ACSM1: variants seen among roughly 807,000 people sequenced by gnomAD.
ACSM1 encodes acyl-CoA synthetase medium chain family member 1, also known as acyl-coenzyme A synthetase ACSM1, mitochondrial.
A neutral mutation model predicts 75.8 loss-of-function variants in ACSM1; 79 were observed. That is an observed-to-expected ratio of 1.04 (90% confidence interval 0.87 to 1.26). The LOEUF (loss-of-function observed/expected upper bound fraction) is 1.26. Ranked by LOEUF, ACSM1 falls within the 50% of genes most tolerant of loss-of-function variation. The probability of loss-of-function intolerance (pLI) is 0.00; values close to 1 mark genes in which losing one functional copy is unlikely to be tolerated. For synonymous variants in ACSM1, 279 were observed against 265.8 expected (o/e 1.05, Z -0.48); for missense variants, 676 against 720.1 (o/e 0.94, Z 0.70).
At chr16:20,655,987 T>A (rs182587089) in intron 7 of ACSM1, among the ~76,000 whole-genome samples, 14 of 152,292 alleles carry the variant, frequency 9.2e-5, no homozygotes, top group African/African-American at 3.1e-4. Context: ...AAGAAGTTTT[T>A]AAATTTTTAA....
chr16:20,691,411 A>G (rs1406212727), intron 1 of ACSM1, among the ~76,000 whole-genome samples, 172 bp from the exon 2 acceptor site: 2 of 152,162 alleles, frequency 1.3e-5, no homozygotes, highest in East Asian at 1.9e-4. Flanking sequence ...GAGGAACCAC[A>G]TGGCAGAAAA....
At chr16:20,663,203 T>C (rs1044929295) in intron 6 of ACSM1, among the ~76,000 whole-genome samples, 9 of 152,164 alleles carry the variant, frequency 5.9e-5, no homozygotes, top group South Asian at 4.1e-4. Context: ...CTCATAAATA[T>C]GTTCTCCATT....
intron 4 of ACSM1, among the ~76,000 whole-genome samples, chr16:20,677,021 A>C (rs1567302089): frequency 6.6e-6 from 1 of 152,090 alleles, no homozygotes; most frequent in African/African-American, 2.4e-5. Flanking sequence ...AGCCAAGAGG[A>C]AAGATGGCTT....
rs778636434 is a variant in ACSM1, at chr16:20,640,489, A to G, written c.1088T>C (p.Leu363Pro). ...EEWKRRTGLL[L>P]YENYGQSETG... ...TTCCGACTGCCCATAGTTCTCGTAGAGCAGAAGGCCCGTCCGTCTTTTCCA... is the reference window on the plus strand; with the variant it reads ...TTCCGACTGCCCATAGTTCTCGTAGGGCAGAAGGCCCGTCCGTCTTTTCCA... The change falls in exon 8 of 14, where the codon CTC becomes CCC. Residue 363 changes from leucine to proline, a missense_variant. Physicochemically the swap from Leu to Pro is moderately conservative, Grantham distance 98. Coordinates refer to ENST00000520010, the MANE Select transcript of ACSM1 (RefSeq NM_001318890.3). 2.1e-5 allele frequency: 34 copies of G among 1,614,010 alleles called. No individual in the cohort carries two copies. The highest frequency in any genetic ancestry group is 2.8e-5 in the Non-Finnish European group (33 of 1,180,016).
At chr16:20,625,235 A>G (rs1006627022) in intron 12 of ACSM1, among the ~76,000 whole-genome samples, 188 bp downstream of exon 12, 2 of 152,200 alleles carry the variant, frequency 1.3e-5, no homozygotes, top group African/African-American at 2.4e-5. Context: ...TGCTCATTAC[A>G]TAGTATCTAG....
intron 5 of ACSM1, among the ~76,000 whole-genome samples, 181 bp from the exon 6 acceptor site, chr16:20,670,167 C>T (rs1401203217): frequency 2.6e-5 from 4 of 152,184 alleles, no homozygotes; most frequent in African/African-American, 9.7e-5. Context: ...TTCCCAATTA[C>T]GTACAACTGA....
chr16:20,672,448 C>CAAAAAAAAAAAAAA (rs528742963), intron 4 of ACSM1, among the ~76,000 whole-genome samples: 2 of 21,924 alleles, frequency 9.1e-5, no homozygotes, highest in African/African-American at 5.3e-4. Flanking sequence ...AACTCCATCT[C>CAAAAAAAAAAAAAA]AAAAAAAAAA....
chr16:20,643,368 G>C (rs2018172776), intron 7 of ACSM1, among the ~76,000 whole-genome samples: 1 of 152,220 alleles, frequency 6.6e-6, no homozygotes, highest in Non-Finnish European at 1.5e-5. Context: ...CTTTGTGGTT[G>C]CCAAACTGTG....
chr16:20,664,757 A>T (rs959688477), intron 6 of ACSM1, among the ~76,000 whole-genome samples: 1 of 152,192 alleles, frequency 6.6e-6, no homozygotes, highest in Non-Finnish European at 1.5e-5. Context: ...TTCAGTCATA[A>T]AGCAAGTCTC....
intron 4 of ACSM1, among the ~76,000 whole-genome samples, chr16:20,675,938 G>T (rs540029366): frequency 6.6e-6 from 1 of 152,298 alleles, no homozygotes; most frequent in African/African-American, 2.4e-5. Flanking sequence ...AAAAGTAAAA[G>T]TAAAAATCAG....
At chr16:20,657,819 C>T (rs966628989) in intron 7 of ACSM1, among the ~76,000 whole-genome samples, 1 of 149,742 alleles carries the variant, frequency 6.7e-6, no homozygotes, top group African/African-American at 2.5e-5. Flanking sequence ...CATGTGTTCT[C>T]ATTGTTCAAC....
In ACSM1 at chr16:20,685,209, C is replaced by G; in HGVS notation, c.387G>C (p.Val129=). Residue 129 remains valine (V), a synonymous_variant, in exon 3 of 14, where the codon GTG becomes GTC. Transcript: ENST00000520010. The part of the protein sequence containing the change: ...PRVPEWWLVA[V]GCMRTGIIFI... ...ATCACTGACCTGTTCGCATGCAGCC[C>G]ACAGCCACCAGCCACCACTCAGGAA... 6.2e-7 allele frequency: 1 copy of G among 1,614,126 alleles called. No homozygotes were observed. The highest frequency in any genetic ancestry group is 8.5e-7 in the Non-Finnish European group (1 of 1,180,024).
At chr16:20,695,220 T>G (rs1050367382) in intron 1 of ACSM1, among the ~76,000 whole-genome samples, 7 of 152,176 alleles carry the variant, frequency 4.6e-5, no homozygotes, top group African/African-American at 1.7e-4. Context: ...CGGGCTCAAA[T>G]TCCAGCACTT....
At chr16:20,665,697 G>T (rs1391847746) in intron 6 of ACSM1, among the ~76,000 whole-genome samples, 3 of 152,000 alleles carry the variant, frequency 2.0e-5, no homozygotes, top group African/African-American at 7.2e-5. Context: ...GAAAACTCCA[G>T]GCCAATATCC....
At chr16:20,689,934 C>T (rs2079622729) in intron 2 of ACSM1, among the ~76,000 whole-genome samples, 1 of 152,194 alleles carries the variant, frequency 6.6e-6, no homozygotes, top group South Asian at 2.1e-4. Context: ...TCAGTATATT[C>T]ATTAAATCCT....
chr16:20,675,055 G>T (rs2020185002), intron 4 of ACSM1, among the ~76,000 whole-genome samples: 1 of 152,174 alleles, frequency 6.6e-6, no homozygotes, highest in African/African-American at 2.4e-5. Context: ...CTGGCAGAAT[G>T]GTAAGAGTGG....
chr16:20,691,727 TG>T (rs2079654002), intron 1 of ACSM1, among the ~76,000 whole-genome samples: 1 of 150,464 alleles, frequency 6.6e-6, no homozygotes, highest in Admixed American at 6.6e-5. Flanking sequence ...TAACCTAAGC[TG>T]GGCCAATCAT....
intron 3 of ACSM1, 100 bp downstream of exon 3, chr16:20,685,093 C>T: frequency 7.8e-7 from 1 of 1,286,530 alleles, no homozygotes; most frequent in South Asian, 1.2e-5. Context: ...GGCTTCAAAG[C>T]TGTGTCAGTG....
At chr16:20,645,764 G>A (rs2018326181) in intron 7 of ACSM1, among the ~76,000 whole-genome samples, 2 of 152,136 alleles carry the variant, frequency 1.3e-5, no homozygotes, top group Admixed American at 1.3e-4. Flanking sequence ...CATGGAGATT[G>A]GTGCTGCAGA....
Sources: gnomAD v4.1 joint callset for allele counts (sites outside exome capture counted in the v4.1 genomes callset) on GRCh38, gnomAD v4.1.1 for gene constraint, MANE v1.5 for transcripts, NCBI Gene and HGNC (gene_info 2026-07-23, HGNC 2026-07-21) for gene names.